SLC35F1: variants seen among roughly 807,000 people sequenced by gnomAD.
SLC35F1 encodes solute carrier family 35 member F1, also known as chromosome 6 open reading frame 169.
A neutral mutation model predicts 48.7 loss-of-function variants in SLC35F1; 14 were observed. The observed-to-expected ratio is 0.29, with a 90% CI of 0.19 to 0.45. The LOEUF (loss-of-function observed/expected upper bound fraction) is 0.45. Ranked by LOEUF, SLC35F1 falls within the 20% of genes least tolerant of loss-of-function variation. The pLI is 1.00. For missense variants in SLC35F1, 404 were observed against 500.0 expected (o/e 0.81, Z 1.83); for synonymous variants, 190 against 202.2 (o/e 0.94, Z 0.51).
At chr6:118,106,567 C>G (rs1214226087) in intron 1 of SLC35F1, among the ~76,000 whole-genome samples, 3 of 152,196 alleles carry the variant, frequency 2.0e-5, no homozygotes, top group African/African-American at 7.2e-5. Context: ...TACAAGGTAG[C>G]TATCTAATAA....
At chr6:118,285,156 C>T (rs373592986) in intron 6 of SLC35F1, 28 bp from the exon 7 acceptor site, 64 of 1,607,496 alleles carry the variant, frequency 4.0e-5, no homozygotes, top group African/African-American at 3.3e-4. Flanking sequence ...GAGGCCCTGA[C>T]GCTGCCTTCT....
chr6:118,024,259 A>C (rs944055853), intron 1 of SLC35F1, among the ~76,000 whole-genome samples: 4 of 152,222 alleles, frequency 2.6e-5, no homozygotes, highest in Admixed American at 6.5e-5. Flanking sequence ...ACTTCCCGTC[A>C]TAAGAAACAA....
chr6:118,221,454 A>G (rs763430170), intron 2 of SLC35F1, among the ~76,000 whole-genome samples: 10 of 152,160 alleles, frequency 6.6e-5, no homozygotes, highest in Non-Finnish European at 1.2e-4. Context: ...AGGACATGGA[A>G]GTAATAGAAT....
At chr6:118,085,487 CTTTTTTTTTTTTT>C (rs59548308) in intron 1 of SLC35F1, among the ~76,000 whole-genome samples, 3 of 56,956 alleles carry the variant, frequency 5.3e-5, no homozygotes, top group East Asian at 5.6e-4. Context: ...TCTTTCTTTC[CTTTTTTTTTTTTT>C]TTTTTTTTTT....
intron 1 of SLC35F1, among the ~76,000 whole-genome samples, chr6:117,924,562 A>G (rs1776004200): frequency 6.6e-6 from 1 of 151,496 alleles, no homozygotes; most frequent in Non-Finnish European, 1.5e-5. Context: ...GTGTATTTAT[A>G]TATATTTAAA....
chr6:118,303,488 G>C (rs902317963), intron 7 of SLC35F1, among the ~76,000 whole-genome samples: 4 of 152,188 alleles, frequency 2.6e-5, no homozygotes, highest in African/African-American at 9.6e-5. Context: ...TACAAGATCT[G>C]AGACCTAGGT....
At chr6:118,233,666 C>T (rs1490324512) in intron 2 of SLC35F1, among the ~76,000 whole-genome samples, 10 of 152,228 alleles carry the variant, frequency 6.6e-5, no homozygotes, top group Non-Finnish European at 1.0e-4. Flanking sequence ...GATAAAAGCA[C>T]CCAGTCTAGT....
chr6:118,205,085 C>T (rs1335358209), intron 2 of SLC35F1, among the ~76,000 whole-genome samples: 1 of 152,234 alleles, frequency 6.6e-6, no homozygotes, highest in Non-Finnish European at 1.5e-5. Context: ...GAAGATGTTA[C>T]TCTTCTCTCC....
At chr6:118,191,249 A>G (rs1774729492) in intron 2 of SLC35F1, among the ~76,000 whole-genome samples, 1 of 152,148 alleles carries the variant, frequency 6.6e-6, no homozygotes, top group South Asian at 2.1e-4. Flanking sequence ...CATCTATCAA[A>G]GTATAAGGTT....
chr6:118,157,227 C>T (rs1353732311), intron 2 of SLC35F1, among the ~76,000 whole-genome samples: 1 of 152,006 alleles, frequency 6.6e-6, no homozygotes, highest in Admixed American at 6.5e-5. Flanking sequence ...CAGGGCCCAC[C>T]CTGCCACTCC....
chr6:118,163,921 A>T (rs1002468051), intron 2 of SLC35F1, among the ~76,000 whole-genome samples: 3 of 152,402 alleles, frequency 2.0e-5, no homozygotes, highest in East Asian at 1.9e-4. Context: ...GCAGTTAGCC[A>T]TCTTGCAGAC....
At chr6:118,313,894 T>C in intron 7 of SLC35F1, 134 bp from the exon 8 acceptor site, 2 of 739,824 alleles carry the variant, frequency 2.7e-6, no homozygotes, top group South Asian at 3.4e-5. Flanking sequence ...TCATTCTCCA[T>C]CAACGGTGTT....
chr6:118,115,978 T>C (rs928552587), intron 1 of SLC35F1, among the ~76,000 whole-genome samples: 3 of 152,224 alleles, frequency 2.0e-5, no homozygotes, highest in African/African-American at 4.8e-5. Flanking sequence ...TTTGAAGATT[T>C]AATATAGATC....
Position 118,119,494 on chromosome 6 carries a change from GC to G in SLC35F1, c.174-34944del, listed in dbSNP as rs369126799. Among the ~76,000 whole-genome samples, 56 of 52,222 alleles carry G rather than the reference GC, an allele frequency of 1.1e-3. 3 individuals carry two copies. In the South Asian group the frequency reaches 0.029, roughly 27 times the overall value. 34.3% of individuals were successfully genotyped at this position (52,222 alleles called of 152,430 possible). ...TTTACATGATGCAGTAATAACCGGC[GC>G]CCCCCCTCCACCCCGCTTTTTTTTT... On this transcript the variant is annotated intron_variant, in intron 1 of 7. Coordinates refer to ENST00000360388, the MANE Select transcript of SLC35F1 (RefSeq NM_001029858.4).
chr6:118,221,573 A>C (rs538984786), intron 2 of SLC35F1, among the ~76,000 whole-genome samples: 1 of 152,356 alleles, frequency 6.6e-6, no homozygotes, highest in Admixed American at 6.5e-5. Context: ...TGATATTCTT[A>C]TGCTCCAGCC....
chr6:117,933,894 G>C (rs1307678948), intron 1 of SLC35F1, among the ~76,000 whole-genome samples: 1 of 151,952 alleles, frequency 6.6e-6, no homozygotes, highest in African/African-American at 2.4e-5. Flanking sequence ...TGGTGGATGT[G>C]CTTCTGCTTG....
chr6:118,028,634 C>T (rs536936271), intron 1 of SLC35F1, among the ~76,000 whole-genome samples: 68 of 152,026 alleles, frequency 4.5e-4, no homozygotes, highest in African/African-American at 1.1e-3. Context: ...AGTAACCATT[C>T]AAGAGAATGT....
At chr6:117,991,431 G>A (rs897155734) in intron 1 of SLC35F1, among the ~76,000 whole-genome samples, 20 of 152,204 alleles carry the variant, frequency 1.3e-4, no homozygotes, top group African/African-American at 4.8e-4. Context: ...TTATATAGAT[G>A]AAAATAAATT....
chr6:118,153,548 A>G (rs950366320), intron 1 of SLC35F1, among the ~76,000 whole-genome samples: 4 of 152,204 alleles, frequency 2.6e-5, no homozygotes, highest in African/African-American at 4.8e-5. Flanking sequence ...GAGGGCAGAA[A>G]TCTACTTTGT....
Sources: gnomAD v4.1 joint callset for allele counts (sites outside exome capture counted in the v4.1 genomes callset) on GRCh38, gnomAD v4.1.1 for gene constraint, MANE v1.5 for transcripts, NCBI Gene and HGNC (gene_info 2026-07-23, HGNC 2026-07-21) for gene names.